CDH12: variants seen among roughly 807,000 people sequenced by gnomAD.
The protein encoded by CDH12 is cadherin-12.
A neutral mutation model predicts 74.1 loss-of-function variants in CDH12; 41 were observed. The ratio of observed to expected loss-of-function variants is 0.55; its 90% confidence interval spans 0.43 to 0.72. CDH12 has a LOEUF of 0.72. Among genes scored for constraint, CDH12 ranks in the 30% least tolerant of loss-of-function variants. The pLI is 0.00. For missense variants in CDH12, 945 were observed against 977.2 expected (o/e 0.97, Z 0.44); for synonymous variants, 399 against 355.0 (o/e 1.12, Z -1.39).
At chr5:22,262,003 T>A (rs906921758) in intron 3 of CDH12, among the ~76,000 whole-genome samples, 13 of 152,028 alleles carry the variant, frequency 8.6e-5, no homozygotes, top group African/African-American at 3.1e-4. Flanking sequence ...AAAAATACGA[T>A]ACAAATCTCA....
chr5:21,952,600 T>C (rs896461960), intron 6 of CDH12, among the ~76,000 whole-genome samples: 2 of 152,188 alleles, frequency 1.3e-5, no homozygotes, highest in African/African-American at 4.8e-5. Context: ...TCAGAAGTCC[T>C]TGGACAATCA....
intron 6 of CDH12, among the ~76,000 whole-genome samples, chr5:21,958,595 G>T (rs975518613): frequency 1.3e-5 from 2 of 152,208 alleles, no homozygotes; most frequent in Admixed American, 6.5e-5. Context: ...TTGATGATCA[G>T]ATAATCATAG....
chr5:22,586,254 C>T (rs528274277), intron 1 of CDH12, among the ~76,000 whole-genome samples: 17 of 152,068 alleles, frequency 1.1e-4, no homozygotes, highest in African/African-American at 3.1e-4. Context: ...AACCAAACAC[C>T]GCATGCTCTC....
intron 1 of CDH12, among the ~76,000 whole-genome samples, chr5:22,552,419 C>T (rs1001844629): frequency 6.6e-6 from 1 of 151,534 alleles, no homozygotes; most frequent in African/African-American, 2.4e-5. Context: ...ACCTTAACAC[C>T]CCCATTTTCT....
intron 1 of CDH12, among the ~76,000 whole-genome samples, chr5:22,653,257 C>T (rs1424668880): frequency 6.6e-6 from 1 of 152,060 alleles, no homozygotes. Flanking sequence ...AAATGTGGTT[C>T]CTAATTAATA....
intron 7 of CDH12, among the ~76,000 whole-genome samples, chr5:21,846,776 C>T (rs1265110167): frequency 1.3e-5 from 2 of 152,018 alleles, no homozygotes; most frequent in Non-Finnish European, 2.9e-5. Flanking sequence ...CCCTCTTTTA[C>T]TTTGGAGCTA....
intron 3 of CDH12, among the ~76,000 whole-genome samples, chr5:22,389,792 C>T (rs965936943): frequency 4.7e-5 from 6 of 127,024 alleles, no homozygotes; most frequent in African/African-American, 7.7e-5. Flanking sequence ...GGACTACAGG[C>T]GCCCACCACC....
chr5:21,893,672 T>C (rs192486387), intron 6 of CDH12, among the ~76,000 whole-genome samples: 10 of 152,312 alleles, frequency 6.6e-5, no homozygotes, highest in African/African-American at 2.4e-4. Context: ...CTACTGATTG[T>C]TTTCAGTGGG....
At chr5:22,080,770 C>A (rs1318665504) in intron 4 of CDH12, among the ~76,000 whole-genome samples, 5 of 151,012 alleles carry the variant, frequency 3.3e-5, no homozygotes, top group Non-Finnish European at 7.4e-5. Flanking sequence ...AATTTTGCTT[C>A]TTTCTTTCTT....
rs546048162 is a variant in CDH12 at position 22,655,776 on chromosome 5, C to T, written c.-522-150412G>A. On this transcript the variant is annotated intron_variant, in intron 1 of 14. Coordinates refer to ENST00000382254, the MANE Select transcript of CDH12 (RefSeq NM_004061.5). ...CGCATCTCTCACCACAATTCCCTTC[C>T]TCCAGCCACACTGATATCTTTAAAC... 2.0e-5 allele frequency among the ~76,000 whole-genome samples: 3 copies of T among 152,254 alleles called. No individual in the cohort carries two copies. The South Asian group carries it at 6.2e-4, about 32-fold the overall frequency.
At chr5:22,449,902 G>A (rs1744976043) in intron 2 of CDH12, among the ~76,000 whole-genome samples, 1 of 151,890 alleles carries the variant, frequency 6.6e-6, no homozygotes, top group Non-Finnish European at 1.5e-5. Context: ...CAATGTTGCA[G>A]TATTATTTTA....
At chr5:21,820,108 T>C (rs998622515) in intron 8 of CDH12, among the ~76,000 whole-genome samples, 1 of 151,882 alleles carries the variant, frequency 6.6e-6, no homozygotes, top group African/African-American at 2.4e-5. Flanking sequence ...AATTAAAGCA[T>C]TGAAAGGTAA....
chr5:22,369,665 A>G (rs1741188170), intron 3 of CDH12, among the ~76,000 whole-genome samples: 1 of 152,212 alleles, frequency 6.6e-6, no homozygotes, highest in Non-Finnish European at 1.5e-5. Flanking sequence ...ATTTTACTCT[A>G]ATCTCAGAGT....
At chr5:22,267,810 T>A (rs1164315557) in intron 3 of CDH12, among the ~76,000 whole-genome samples, 1 of 152,088 alleles carries the variant, frequency 6.6e-6, no homozygotes, top group African/African-American at 2.4e-5. Context: ...GATAATGGCA[T>A]CAAACTATCA....
intron 1 of CDH12, among the ~76,000 whole-genome samples, chr5:22,817,175 T>C (rs1266967772): frequency 6.6e-6 from 1 of 152,088 alleles, no homozygotes; most frequent in Non-Finnish European, 1.5e-5. Flanking sequence ...TGAAGCTCCT[T>C]TTGTCTCACT....
intron 11 of CDH12, among the ~76,000 whole-genome samples, chr5:21,780,186 A>T (rs534142973): frequency 1.3e-5 from 2 of 152,272 alleles, no homozygotes; most frequent in South Asian, 4.1e-4. Flanking sequence ...CCTGATTTTC[A>T]TTTAGGTAAA....
chr5:22,249,351 CTG>C (rs1331495233), intron 3 of CDH12, among the ~76,000 whole-genome samples: 1 of 152,164 alleles, frequency 6.6e-6, no homozygotes, highest in Non-Finnish European at 1.5e-5. Flanking sequence ...TCATGAAAGA[CTG>C]TTATTGGAGA....
chr5:22,478,336 T>C (rs539969724), intron 2 of CDH12, among the ~76,000 whole-genome samples: 2 of 139,058 alleles, frequency 1.4e-5, no homozygotes, highest in South Asian at 4.3e-4. Flanking sequence ...GAGAATGGCG[T>C]GAACCTGGGA....
At chr5:22,561,516 C>T (rs1210922971) in intron 1 of CDH12, among the ~76,000 whole-genome samples, 1 of 150,776 alleles carries the variant, frequency 6.6e-6, no homozygotes. Context: ...ATTTTTTTTT[C>T]CACCTAAGGG....
Sources: allele counts gnomAD v4.1 joint callset (sites outside exome capture counted in the v4.1 genomes callset), GRCh38; gene constraint gnomAD v4.1.1; transcripts MANE v1.5; gene names NCBI Gene and HGNC (gene_info 2026-07-23, HGNC 2026-07-21).